The following MGMT variants were observed in gnomAD, a reference collection of about 807,000 sequenced individuals.
MGMT encodes methylated-DNA--protein-cysteine methyltransferase.
MGMT carries 14 observed loss-of-function variants against 15.9 expected under a neutral mutation model. That is an observed-to-expected ratio of 0.88 (90% confidence interval 0.58 to 1.37). The LOEUF (loss-of-function observed/expected upper bound fraction) is 1.37. MGMT is among the 40% of genes most tolerant of loss of function. The probability of loss-of-function intolerance (pLI) is 0.00; values close to 1 mark genes in which losing one functional copy is unlikely to be tolerated. For missense variants in MGMT, 282 were observed against 268.1 expected (o/e 1.05, Z -0.36); for synonymous variants, 130 against 118.2 (o/e 1.10, Z -0.65).
intron 2 of MGMT, among the ~76,000 whole-genome samples, chr10:129,664,045 A>G (rs983698660): frequency 6.6e-6 from 1 of 152,236 alleles, no homozygotes; most frequent in East Asian, 1.9e-4. Flanking sequence ...GGAAATATTG[A>G]TGCAGAAATC....
chr10:129,562,944 G>A (rs769575320), intron 2 of MGMT, among the ~76,000 whole-genome samples: 6 of 152,116 alleles, frequency 3.9e-5, no homozygotes, highest in Non-Finnish European at 5.9e-5. Context: ...AGCAGCCTAC[G>A]TGCAGTAGAA....
chr10:129,769,684 T>G lies in MGMT; in HGVS notation c.*2687T>G, dbSNP rs1014070154. Among the ~76,000 whole-genome samples, 5 of 152,202 alleles carry G rather than the reference T, an allele frequency of 3.3e-5. No individual in the cohort carries two copies. Among genetic ancestry groups the G allele is most frequent in the Non-Finnish European group, 5.9e-5 (4 of 68,042 alleles). On this transcript the variant is annotated 3_prime_UTR_variant, in exon 5 of 5. Transcript: ENST00000651593. ...TGGCCACGCAGGAGACTGAGTTTTG[T>G]GAGGGGTTGTCCTTCTCCCAGTCTC...
In MGMT at chr10:129,719,112, G is replaced by C. The variant is rs546929430; in HGVS notation, c.274+11069G>C. ...TGCCCATTCAGCTGTGTCACCTTCT[G>C]CTCAGGCATGTCACCTTCCCGAGGT... On this transcript the variant is annotated intron_variant, in intron 3 of 4. Coordinates refer to ENST00000651593, the MANE Select transcript of MGMT (RefSeq NM_002412.5). Among the ~76,000 whole-genome samples the C allele has an allele frequency of 2.6e-5, 4 of 151,074 alleles. No homozygotes were observed. The East Asian group carries it at 7.9e-4, about 30-fold the overall frequency.
At chr10:129,690,264 G>A (rs1847954683) in intron 2 of MGMT, among the ~76,000 whole-genome samples, 1 of 152,190 alleles carries the variant, frequency 6.6e-6, no homozygotes, top group Non-Finnish European at 1.5e-5. Flanking sequence ...AGTACAATAG[G>A]CAAGAGAATA....
chr10:129,481,110 C>T (rs1053601005), intron 1 of MGMT, among the ~76,000 whole-genome samples: 2 of 152,234 alleles, frequency 1.3e-5, no homozygotes, highest in Admixed American at 6.5e-5. Context: ...GTGTCAATAT[C>T]TTGGCCCTTG....
At chr10:129,646,754 A>ATATATATTTT in intron 2 of MGMT, among the ~76,000 whole-genome samples, 1 of 86,678 alleles carries the variant, frequency 1.2e-5, no homozygotes, top group African/African-American at 3.9e-5. Context: ...ATATATATAT[A>ATATATATTTT]TTTTCAGGGA....
intron 2 of MGMT, among the ~76,000 whole-genome samples, chr10:129,658,718 A>C (rs78365553): frequency 0.036 from 5,514 of 152,326 alleles, 141 homozygotes; most frequent in Middle Eastern, 0.082. Flanking sequence ...AATGAAATTA[A>C]CACCACATTT....
intron 2 of MGMT, among the ~76,000 whole-genome samples, chr10:129,570,073 T>A (rs1038681043): frequency 2.0e-5 from 3 of 152,360 alleles, no homozygotes; most frequent in African/African-American, 7.2e-5. Flanking sequence ...GTTATCTCCA[T>A]GGCCCTTGGC....
At chr10:129,696,623 G>C (rs1848035400) in intron 2 of MGMT, among the ~76,000 whole-genome samples, 1 of 152,242 alleles carries the variant, frequency 6.6e-6, no homozygotes, top group Non-Finnish European at 1.5e-5. Context: ...TGTATTTTCA[G>C]TGCACGTGCT....
chr10:129,626,728 T>A (rs992589260), intron 2 of MGMT, among the ~76,000 whole-genome samples: 1 of 152,234 alleles, frequency 6.6e-6, no homozygotes, highest in Admixed American at 6.5e-5. Context: ...ATTTTCTGCC[T>A]CTGATAACAC....
At chr10:129,657,695 A>ACACACG (rs1554874770) in intron 2 of MGMT, among the ~76,000 whole-genome samples, 5 of 139,140 alleles carry the variant, frequency 3.6e-5, no homozygotes, top group Non-Finnish European at 7.9e-5. Context: ...ACACACACAC[A>ACACACG]CACACACACA....
intron 1 of MGMT, among the ~76,000 whole-genome samples, chr10:129,469,798 C>T (rs955685536): frequency 5.9e-5 from 9 of 152,160 alleles, no homozygotes; most frequent in African/African-American, 2.2e-4. Flanking sequence ...CCTCAAGCTC[C>T]TGGGCTCAAG....
At chr10:129,468,210 A>G (rs936458187) in intron 1 of MGMT, among the ~76,000 whole-genome samples, 3 of 152,170 alleles carry the variant, frequency 2.0e-5, no homozygotes, top group Non-Finnish European at 4.4e-5. Context: ...GGTGTCTAGG[A>G]GATGGTTTTG....
chr10:129,634,604 A>G (rs1847245494), intron 2 of MGMT, among the ~76,000 whole-genome samples: 1 of 151,310 alleles, frequency 6.6e-6, no homozygotes, highest in Admixed American at 6.6e-5. Flanking sequence ...TTTCTTTTGC[A>G]GTGTCTAATC....
At chr10:129,653,950 A>T (rs1178716587) in intron 2 of MGMT, among the ~76,000 whole-genome samples, 2 of 152,152 alleles carry the variant, frequency 1.3e-5, no homozygotes, top group East Asian at 3.9e-4. Context: ...ACCTTTGGGG[A>T]TGCGGGGAGA....
intron 1 of MGMT, among the ~76,000 whole-genome samples, chr10:129,513,725 A>G (rs914771802): frequency 6.6e-6 from 1 of 152,238 alleles, no homozygotes; most frequent in African/African-American, 2.4e-5. Context: ...AAACAAGGGA[A>G]GGCCATGATG....
intron 1 of MGMT, among the ~76,000 whole-genome samples, chr10:129,525,735 C>T (rs892466907): frequency 1.3e-5 from 2 of 152,302 alleles, no homozygotes; most frequent in African/African-American, 2.4e-5. Context: ...TTGTGGAATG[C>T]GGCTTCAGAT....
At chr10:129,626,567 C>G (rs1847152192) in intron 2 of MGMT, among the ~76,000 whole-genome samples, 1 of 152,144 alleles carries the variant, frequency 6.6e-6, no homozygotes, top group South Asian at 2.1e-4. Context: ...TGGGAAGGTT[C>G]TGAGGGTTGG....
At chr10:129,714,217 A>G (rs1159642448) in intron 3 of MGMT, among the ~76,000 whole-genome samples, 3 of 152,230 alleles carry the variant, frequency 2.0e-5, no homozygotes, top group African/African-American at 7.2e-5. Flanking sequence ...AGCGAAGCAC[A>G]CCACTCTCAG....
Sources: allele counts gnomAD v4.1 joint callset (sites outside exome capture counted in the v4.1 genomes callset), GRCh38; gene constraint gnomAD v4.1.1; transcripts MANE v1.5; gene names NCBI Gene and HGNC (gene_info 2026-07-23, HGNC 2026-07-21).